The following PRDM1 variants were observed in gnomAD, a reference collection of about 807,000 sequenced individuals.
The protein encoded by PRDM1 is PR/SET domain 1.
A neutral mutation model predicts 62.8 loss-of-function variants in PRDM1; 13 were observed. That is an observed-to-expected ratio of 0.21 (90% confidence interval 0.13 to 0.33). The LOEUF (loss-of-function observed/expected upper bound fraction) is 0.33. Ranked by LOEUF, PRDM1 falls within the 10% of genes least tolerant of loss-of-function variation. The pLI is 1.00. For synonymous variants in PRDM1, 396 were observed against 417.6 expected, an observed-to-expected ratio of 0.95 and a Z score of 0.63; for missense variants, 895 against 1,058.8, an observed-to-expected ratio of 0.85 and a Z score of 2.15.
rs5878868 is a variant in PRDM1, at chr6:106,108,521, C to CTTT, written c.*1054_*1056dup. 135 of 145,674 alleles carry CTTT rather than the reference C, an allele frequency of 9.3e-4. 3 individuals carry two copies. Among genetic ancestry groups the CTTT allele is most frequent in the Middle Eastern group, 2.2e-3 (1 of 454 alleles). 9.0% of individuals were successfully genotyped at this position (145,674 alleles called of 1,614,324 possible). On this transcript the variant is annotated 3_prime_UTR_variant, in exon 7 of 7. Coordinates refer to ENST00000369096, the MANE Select transcript of PRDM1 (RefSeq NM_001198.4). ...GGTGTTTTGTTGTTGGTTTTTGTTG[C>CTTT]TTTTTTTTTTTTTTTTTTTTTAATG... is the stretch of plus-strand genomic sequence containing the variant.
At chr6:106,080,966 G>A (rs1278819760) in intron 1 of PRDM1, among the ~76,000 whole-genome samples, 2 of 152,174 alleles carry the variant, frequency 1.3e-5, no homozygotes, top group East Asian at 1.9e-4. Flanking sequence ...GGCTGTAGAT[G>A]GAGAACAGAT....
chr6:106,066,009 A>G (rs1376174837), intron 1 of PRDM1, among the ~76,000 whole-genome samples: 2 of 152,256 alleles, frequency 1.3e-5, no homozygotes, highest in African/African-American at 4.8e-5. Context: ...TGCCCATGGA[A>G]GCTGAGCCTG....
At chr6:106,086,065 C>T (rs1441122057), upstream of PRDM1, among the ~76,000 whole-genome samples, 1 of 152,208 alleles carries the variant, frequency 6.6e-6, no homozygotes, top group South Asian at 2.1e-4. Flanking sequence ...CCTAATTCTG[C>T]CGCGCCAGGA....
chr6:106,041,946 C>T (rs1350907199), intron 1 of PRDM1, among the ~76,000 whole-genome samples: 1 of 150,664 alleles, frequency 6.6e-6, no homozygotes, highest in African/African-American at 2.4e-5. Context: ...TAGCTCAGAC[C>T]ACAGGTGCAT....
intron 1 of PRDM1, among the ~76,000 whole-genome samples, chr6:106,063,290 C>G (rs1348144284): frequency 6.6e-6 from 1 of 152,150 alleles, no homozygotes; most frequent in African/African-American, 2.4e-5. Flanking sequence ...TCAGCACCAA[C>G]TAGTATGGTC....
At chr6:106,004,049 C>A (rs568245776) in intron 1 of PRDM1, among the ~76,000 whole-genome samples, 3 of 152,048 alleles carry the variant, frequency 2.0e-5, no homozygotes, top group Non-Finnish European at 4.4e-5. Flanking sequence ...TTTCTGAAAT[C>A]TATATCTGAG....
At chr6:106,028,156 C>T (rs1772791133) in intron 1 of PRDM1, among the ~76,000 whole-genome samples, 1 of 152,140 alleles carries the variant, frequency 6.6e-6, no homozygotes, top group South Asian at 2.1e-4. Context: ...GCTGATCTGC[C>T]ATTTCAGCAT....
At chr6:106,023,875 C>A (rs1772730938) in intron 1 of PRDM1, among the ~76,000 whole-genome samples, 1 of 152,198 alleles carries the variant, frequency 6.6e-6, no homozygotes, top group African/African-American at 2.4e-5. Flanking sequence ...AGCACGGTGG[C>A]TCATGCCTAT....
rs558485739 is a variant in PRDM1, at chr6:106,030,943, A to G, written c.-67+37304A>G. 3.3e-5 allele frequency among the ~76,000 whole-genome samples: 5 copies of G among 151,798 alleles called. No homozygotes were observed. In the South Asian group the frequency reaches 1.0e-3, roughly 32 times the overall value. ...TAAAAGCTTCTGGAAGAATATGCCT[A>G]AAGAAGTTAACAATAGTTGGTAGGT... On this transcript the variant is annotated intron_variant, in intron 1 of 6. Coordinates refer to the PRDM1 transcript ENST00000652320.
Position 106,108,913 on chromosome 6 carries a change from TTTGTG to T in PRDM1, c.*1430_*1434del, listed in dbSNP as rs1774599586. The T allele has an allele frequency of 4.3e-6, 1 of 229,972 alleles. No homozygotes were observed. Among genetic ancestry groups the T allele is most frequent in the African/African-American group, 2.2e-5 (1 of 45,248 alleles). The allele number at this position is 229,972 out of a possible 1,614,324, so 14.2% of individuals were successfully genotyped here. A position where few individuals can be genotyped will look rare whatever the true frequency, so the allele number is the denominator to read the frequency against. On this transcript the variant is annotated 3_prime_UTR_variant, in exon 7 of 7. Coordinates refer to ENST00000369096, the MANE Select transcript of PRDM1 (RefSeq NM_001198.4). ...GTAAATGTGCTCCAGCAAGATAGAC[TTTGTG>T]TTATTCTATCTTTTATTCTGCTAAG...
intron 1 of PRDM1, among the ~76,000 whole-genome samples, chr6:105,999,139 A>G (rs1020021419): frequency 5.9e-5 from 9 of 151,658 alleles, no homozygotes; most frequent in Non-Finnish European, 4.4e-5. Context: ...GGAGCTCACT[A>G]TGTTGCCCAG....
chr6:106,041,597 ATGGAACCAT>A (rs1772995333), intron 1 of PRDM1, among the ~76,000 whole-genome samples: 1 of 152,192 alleles, frequency 6.6e-6, no homozygotes, highest in Middle Eastern at 3.2e-3. Flanking sequence ...TCTTGGCATG[ATGGAACCAT>A]TGTGTATCCT....
chr6:106,026,538 A>G (rs1033268114), intron 1 of PRDM1, among the ~76,000 whole-genome samples: 4 of 152,208 alleles, frequency 2.6e-5, no homozygotes, highest in East Asian at 1.9e-4. Context: ...AAACTGAACA[A>G]TGTTTTCGTC....
intron 4 of PRDM1, among the ~76,000 whole-genome samples, chr6:106,104,202 G>C (rs1774361996): frequency 6.9e-6 from 1 of 145,024 alleles, no homozygotes; most frequent in Non-Finnish European, 1.5e-5. Context: ...CATTAAAATG[G>C]AAGTTTTTTT....
intron 1 of PRDM1, among the ~76,000 whole-genome samples, chr6:106,060,754 G>A (rs562676148): frequency 5.3e-5 from 8 of 152,042 alleles, no homozygotes; most frequent in Non-Finnish European, 8.8e-5. Flanking sequence ...AGAGGCTTTG[G>A]AGGACATGTG....
At chr6:106,052,588 G>C (rs1422798903) in intron 1 of PRDM1, among the ~76,000 whole-genome samples, 1 of 152,120 alleles carries the variant, frequency 6.6e-6, no homozygotes, top group Non-Finnish European at 1.5e-5. Context: ...TTGGAAGACA[G>C]ACTGTCTCCT....
At chr6:106,095,386 C>T (rs1039565964) in intron 2 of PRDM1, among the ~76,000 whole-genome samples, 2 of 152,170 alleles carry the variant, frequency 1.3e-5, no homozygotes, top group Non-Finnish European at 2.9e-5. Flanking sequence ...ATCCCCTAGA[C>T]TGTTTTAATG....
Position 106,106,442 on chromosome 6 carries a change from C to T in PRDM1, c.1845C>T (p.Leu615=), listed in dbSNP as rs201672270. 1.3e-4 allele frequency: 209 copies of T among 1,614,138 alleles called. No individual in the cohort carries two copies. The highest frequency in any genetic ancestry group is 1.6e-4 in the Middle Eastern group (1 of 6,062). Residue 615 remains leucine (L), a synonymous_variant, in exon 6 of 7, where the codon CTC becomes CTT. Coordinates refer to ENST00000369096, the MANE Select transcript of PRDM1 (RefSeq NM_001198.4). The surrounding 1 kb of genome is among the most constrained non-coding windows in gnomAD (Gnocchi z 4.4). The part of the protein sequence containing the change: ...CQTCNKGFTQ[L]AHLQKHYLVH... ...CTTGCAACAAGGGCTTTACTCAGCT[C>T]GCCCACCTGCAGAAACACTACCTGG...
At chr6:106,006,913 C>T (rs992516029) in intron 1 of PRDM1, among the ~76,000 whole-genome samples, 2 of 151,886 alleles carry the variant, frequency 1.3e-5, no homozygotes, top group African/African-American at 2.4e-5. Context: ...GCTCAGTGAT[C>T]GTTTATGGCA....
Sources: gnomAD v4.1 joint callset for allele counts (sites outside exome capture counted in the v4.1 genomes callset) on GRCh38, gnomAD v4.1.1 for gene constraint, Gnocchi (gnomAD v3.1) non-coding constraint, MANE v1.5 for transcripts, NCBI Gene and HGNC (gene_info 2026-07-23, HGNC 2026-07-21) for gene names.